WDPCP: variants seen among roughly 807,000 people sequenced by gnomAD.
The protein encoded by WDPCP is WD repeat-containing and planar cell polarity effector protein fritz homolog.
Under a neutral mutation model 93.1 loss-of-function variants are expected in WDPCP, and 71 were observed. The ratio of observed to expected loss-of-function variants is 0.76; its 90% confidence interval spans 0.63 to 0.93. The LOEUF (loss-of-function observed/expected upper bound fraction) is 0.93, where lower values mean the gene tolerates loss of function less well. Ranked by LOEUF, WDPCP falls within the 40% of genes least tolerant of loss-of-function variation. The pLI, the probability that WDPCP is intolerant of heterozygous loss-of-function variation, is 0.00. For synonymous variants in WDPCP, 315 were observed against 315.0 expected (o/e 1.00, Z 0.00); for missense variants, 844 against 887.4 (o/e 0.95, Z 0.62).
intron 12 of WDPCP, among the ~76,000 whole-genome samples, chr2:63,376,814 AC>A (rs1361465578): frequency 2.0e-5 from 3 of 151,852 alleles, no homozygotes; most frequent in Non-Finnish European, 2.9e-5. Context: ...ACATATCATA[AC>A]CCTTGCAATA....
chr2:63,653,382 C>T (rs903656922), intron 2 of WDPCP, among the ~76,000 whole-genome samples: 3 of 152,086 alleles, frequency 2.0e-5, no homozygotes, highest in Admixed American at 6.6e-5. Context: ...TTGCTGAATA[C>T]ATGGAGAATT....
intron 3 of WDPCP, among the ~76,000 whole-genome samples, chr2:63,618,024 T>C (rs1709691267): frequency 6.6e-6 from 1 of 152,232 alleles, no homozygotes; most frequent in Admixed American, 6.5e-5. Context: ...CTGTTTGTTT[T>C]CTCTTATGTT....
intron 2 of WDPCP, among the ~76,000 whole-genome samples, chr2:63,651,079 C>CT (rs1252887180): frequency 6.6e-6 from 1 of 152,090 alleles, no homozygotes; most frequent in Non-Finnish European, 1.5e-5. Context: ...AGACAACACC[C>CT]TTGGAGATGA....
intron 2 of WDPCP, among the ~76,000 whole-genome samples, chr2:63,776,322 A>C (rs1222923716): frequency 6.6e-6 from 1 of 151,994 alleles, no homozygotes; most frequent in Non-Finnish European, 1.5e-5. Flanking sequence ...AACCCAGTAT[A>C]AAACACGGAA....
At chr2:63,255,849 G>C (rs545594343) in intron 14 of WDPCP, among the ~76,000 whole-genome samples, 2 of 148,778 alleles carry the variant, frequency 1.3e-5, no homozygotes, top group South Asian at 4.3e-4. Flanking sequence ...ATCACTTATT[G>C]CTAGATATAA....
chr2:63,606,197 C>T (rs1209264581), intron 3 of WDPCP, among the ~76,000 whole-genome samples: 1 of 152,140 alleles, frequency 6.6e-6, no homozygotes, highest in African/African-American at 2.4e-5. Context: ...GCCGGGGCAA[C>T]ATAGTGAGAC....
upstream of WDPCP, among the ~76,000 whole-genome samples, chr2:63,828,668 A>G (rs188162128): frequency 2.6e-3 from 398 of 152,218 alleles, 3 homozygotes; most frequent in Non-Finnish European, 3.4e-3. Context: ...TACTACATAC[A>G]ATCATCAAGG....
chr2:63,783,719 T>G (rs1311564484), intron 2 of WDPCP, among the ~76,000 whole-genome samples: 1 of 152,132 alleles, frequency 6.6e-6, no homozygotes, highest in Non-Finnish European at 1.5e-5. Context: ...CTAAATAATG[T>G]GTACACCTTG....
intron 12 of WDPCP, among the ~76,000 whole-genome samples, chr2:63,371,120 T>C (rs1691341133): frequency 6.6e-6 from 1 of 152,196 alleles, no homozygotes; most frequent in Admixed American, 6.6e-5. Context: ...TTTTCCCACA[T>C]ACCTGTTCTT....
intron 14 of WDPCP, 96 bp downstream of exon 14, chr2:63,259,211 A>T (rs753894674): frequency 9.5e-7 from 1 of 1,054,252 alleles, no homozygotes; most frequent in Non-Finnish European, 1.4e-6. Flanking sequence ...AAACAAAGTA[A>T]TTCAAATTAA....
At chr2:63,607,436 A>G (rs1438145336) in intron 3 of WDPCP, among the ~76,000 whole-genome samples, 1 of 150,394 alleles carries the variant, frequency 6.6e-6, no homozygotes, top group African/African-American at 2.5e-5. Flanking sequence ...ACTTGGGAGG[A>G]TGAGGTAGGA....
intron 17 of WDPCP, among the ~76,000 whole-genome samples, chr2:63,144,217 C>T (rs1176521823): frequency 6.6e-6 from 1 of 151,960 alleles, no homozygotes; most frequent in South Asian, 2.1e-4. Context: ...CTTTCTTCTC[C>T]TTGTTCAATT....
At chr2:63,632,976 C>T (rs922425877) in intron 3 of WDPCP, among the ~76,000 whole-genome samples, 10 of 152,044 alleles carry the variant, frequency 6.6e-5, no homozygotes, top group East Asian at 3.8e-4. Context: ...GAAAGTAGCA[C>T]GACAAAATAA....
At chr2:63,778,435 C>G (rs35599661) in intron 2 of WDPCP, among the ~76,000 whole-genome samples, 219 of 152,166 alleles carry the variant, frequency 1.4e-3, no homozygotes, top group Non-Finnish European at 2.6e-3. Flanking sequence ...TCTTAAACCC[C>G]TGACCTCATG....
chr2:63,729,915 A>T (rs1669536866), intron 2 of WDPCP, among the ~76,000 whole-genome samples: 1 of 152,178 alleles, frequency 6.6e-6, no homozygotes, highest in Non-Finnish European at 1.5e-5. Context: ...GAAATTCATC[A>T]AATATAGTCC....
At chr2:63,558,268 G>A (rs555074763) in intron 1 of WDPCP, among the ~76,000 whole-genome samples, 3 of 152,176 alleles carry the variant, frequency 2.0e-5, no homozygotes, top group South Asian at 2.1e-4. Context: ...GGTGGCTCAC[G>A]TCTGTAATCC....
At chr2:63,315,794 G>T (rs1686588957) in intron 12 of WDPCP, among the ~76,000 whole-genome samples, 1 of 151,384 alleles carries the variant, frequency 6.6e-6, no homozygotes, top group African/African-American at 2.4e-5. Context: ...GTCTTGCTCT[G>T]TTACCCAAGC....
chr2:63,212,779 C>T (rs557475683), intron 14 of WDPCP, among the ~76,000 whole-genome samples: 2 of 96,142 alleles, frequency 2.1e-5, no homozygotes, highest in African/African-American at 5.8e-5. Context: ...GAAGATCTAC[C>T]ACAAAAATGG....
intron 12 of WDPCP, among the ~76,000 whole-genome samples, chr2:63,366,195 T>C (rs1025757643): frequency 1.3e-5 from 2 of 152,138 alleles, no homozygotes; most frequent in African/African-American, 4.8e-5. Context: ...AAAATATATA[T>C]TGTCAATGAA....
Sources: gnomAD v4.1 joint callset for allele counts (sites outside exome capture counted in the v4.1 genomes callset) on GRCh38, gnomAD v4.1.1 for gene constraint, MANE v1.5 for transcripts, NCBI Gene and HGNC (gene_info 2026-07-23, HGNC 2026-07-21) for gene names.